The following ECEL1 variants were observed in gnomAD, a reference collection of about 807,000 sequenced individuals.
The protein encoded by ECEL1 is endothelin-converting enzyme-like 1.
A neutral mutation model predicts 101.8 loss-of-function variants in ECEL1; 87 were observed. The ratio of observed to expected loss-of-function variants is 0.85; its 90% CI spans 0.72 to 1.02. ECEL1 has a LOEUF of 1.02. ECEL1 is among the 50% of genes least tolerant of loss of function. ECEL1 has a pLI of 0.00. For missense variants in ECEL1, 1,032 were observed against 1,079.2 expected, an observed-to-expected ratio of 0.96 and a Z score of 0.61; for synonymous variants, 487 against 468.7, an observed-to-expected ratio of 1.04 and a Z score of -0.50.
intron 2 of ECEL1, 79 bp downstream of exon 2, chr2:232,485,789 C>T (rs1244641478): frequency 1.3e-6 from 2 of 1,507,228 alleles, no homozygotes; most frequent in Admixed American, 2.0e-5. Context: ...ACCCGCCTCC[C>T]GCGCGCAGGG....
rs1329151485 is a variant in ECEL1 at position 232,487,823 on chromosome 2, G to T, written c.-206C>A. The T allele has an allele frequency of 6.7e-6, 1 of 148,664 alleles. No homozygotes were observed. Among genetic ancestry groups the T allele is most frequent in the Non-Finnish European group, 1.5e-5 (1 of 66,602 alleles). 9.2% of individuals were successfully genotyped at this position (148,664 alleles called of 1,614,324 possible). ...GGGCGTCCGGTGTCTCCCAGCGCCC[G>T]CCGCCTCCTCTGCCGCCGCGCCGAG... On this transcript the variant is annotated 5_prime_UTR_variant, in exon 1 of 18. Transcript: ENST00000304546.
chr2:232,482,141 C>T lies in ECEL1; in HGVS notation c.1796+277G>A, dbSNP rs1190430. Among the ~76,000 whole-genome samples the T allele has an allele frequency of 0.49, 74,603 of 152,184 alleles. 19,490 individuals are homozygous for T. The highest frequency in any genetic ancestry group is 0.68 in the Middle Eastern group (201 of 294). On this transcript the variant is annotated intron_variant, in intron 12 of 17. Coordinates refer to ENST00000304546, the MANE Select transcript of ECEL1 (RefSeq NM_004826.4). ...CGGAGGCACCTACGTAGGGGTTTCT[C>T]CTCCTACCTCATCATTAGTGTTGCG... is the stretch of plus-strand genomic sequence containing the variant.
chr2:232,482,387 C>T, intron 12 of ECEL1, 31 bp downstream of exon 12: 1 of 1,613,502 alleles, frequency 6.2e-7, no homozygotes, highest in South Asian at 1.1e-5. Flanking sequence ...GCCCTGCCCT[C>T]AGCCACAAAC....
At chr2:232,483,057 T>A (rs1234718061) in intron 9 of ECEL1, 48 bp downstream of exon 9, 1 of 1,610,572 alleles carries the variant, frequency 6.2e-7, no homozygotes, top group Non-Finnish European at 8.5e-7. Flanking sequence ...CTGAGTGCCG[T>A]TAGTAGAGGG....
chr2:232,486,145 C>T lies in ECEL1; in HGVS notation c.509G>A (p.Gly170Asp). The change falls in exon 2 of 18, where the codon GGT becomes GAT. Residue 170 changes from glycine (G) to aspartate (D), a missense_variant. Physicochemically the swap from Gly to Asp is moderately conservative, Grantham distance 94. Transcript: ENST00000304546. ...RLRRLLARPG[G>D]GPGGAAQRKV... ...GCGCTGGGCCGCGCCGCCAGGCCCA[C>T]CCCCGGGCCGCGCCAGCAGGCGCCG... 5 of 1,564,978 alleles carry T rather than the reference C, an allele frequency of 3.2e-6. No individual in the cohort carries two copies. The highest frequency in any genetic ancestry group is 2.3e-5 in the South Asian group (2 of 85,816).
rs1252237793 is a variant in ECEL1 at position 232,486,420 on chromosome 2, A to C, written c.234T>G (p.Ala78=). The change falls in exon 2 of 18, where the codon GCT becomes GCG. Residue 78 remains alanine (A), a synonymous_variant. Coordinates refer to ENST00000304546, the MANE Select transcript of ECEL1 (RefSeq NM_004826.4). Reference sequence around the variant, plus strand: ...GGCCCAGGTACTTGAGGGCCAGCATAGCCGCCAGAATGGCGCAGAGGCCGG... The same window carrying C: ...GGCCCAGGTACTTGAGGGCCAGCATCGCCGCCAGAATGGCGCAGAGGCCGG... ...FAAGLCAILA[A]MLALKYLGPV... 5 of 1,463,906 alleles carry C rather than the reference A, an allele frequency of 3.4e-6. No individual in the cohort carries two copies. In the Admixed American group the frequency reaches 1.3e-4, roughly 39 times the overall value. 90.7% of individuals were successfully genotyped at this position (1,463,906 alleles called of 1,614,324 possible).
chr2:232,485,130 G>A, intron 3 of ECEL1, 39 bp from the exon 4 acceptor site: 1 of 1,611,778 alleles, frequency 6.2e-7, no homozygotes, highest in Non-Finnish European at 8.5e-7. Context: ...GACAGGGACA[G>A]GCCTAGCCTG....
chr2:232,485,937 G>A lies in ECEL1; in HGVS notation c.717C>T (p.Tyr239=), dbSNP rs1196344111. 6.3e-7 allele frequency: 1 copy of A among 1,581,604 alleles called. No individual in the cohort carries two copies. The highest frequency in any genetic ancestry group is 8.6e-7 in the Non-Finnish European group (1 of 1,166,206). The change falls in exon 2 of 18, where the codon TAC becomes TAT. Residue 239 remains tyrosine, a synonymous_variant. Coordinates refer to ENST00000304546, the MANE Select transcript of ECEL1 (RefSeq NM_004826.4). ...NRLLYKAQGV[Y]SAAALFSLTV... ...TGAGCGAGAAGAGCGCGGCGGCGCT[G>A]TACACGCCCTGCGCCTTGTACAGCA...
At position 232,483,410 on chromosome 2, in the gene ECEL1, C is replaced by A. The variant is rs72482107; in HGVS notation, c.1506+6G>T. On this transcript the variant is annotated splice_donor_region_variant and intron_variant, in intron 8 of 17. Transcript: ENST00000304546. ...GACCAACCAATGACACTGGGTCCCC[C>A]CTCACCTTGGCCCGAGCAGCAGCCC... The A allele has an allele frequency of 1.5e-4, 242 of 1,601,900 alleles. 1 individual carries two copies. In the East Asian group the frequency reaches 5.2e-3, roughly 34 times the overall value.
chr2:232,481,338 G>A (rs887889762), intron 14 of ECEL1, among the ~76,000 whole-genome samples, 168 bp downstream of exon 14: 9 of 152,212 alleles, frequency 5.9e-5, no homozygotes, highest in South Asian at 2.1e-4. Context: ...GTAAGTCTGC[G>A]GACACTCATT....
chr2:232,482,913 G>C lies in ECEL1; in HGVS notation c.1623C>G (p.Asn541Lys), dbSNP rs758614813. ...AGAGCTGGATGCTGAAGCGGATGCTGTTCAAGATGTTCTTGAAGTAGGTCT... is the reference window on the plus strand; with the variant it reads ...AGAGCTGGATGCTGAAGCGGATGCTCTTCAAGATGTTCTTGAAGTAGGTCT... ...HEKTYFKNIL[N>K]SIRFSIQLSV... Residue 541 changes from asparagine to lysine, a missense_variant, in exon 10 of 18, where the codon AAC (asparagine) becomes AAG (lysine). Transcript: ENST00000304546. 3 of 1,614,188 alleles carry C rather than the reference G, an allele frequency of 1.9e-6. No homozygotes were observed. The highest frequency in any genetic ancestry group is 2.5e-6 in the Non-Finnish European group (3 of 1,180,050).
chr2:232,481,904 T>C (rs1377594229), intron 12 of ECEL1, 55 bp from the exon 13 acceptor site: 31 of 1,607,788 alleles, frequency 1.9e-5, no homozygotes, highest in Middle Eastern at 1.7e-4. Context: ...GAGAGCCCCA[T>C]GCTGCTGCCC....
chr2:232,485,500 C>G (rs1690696777), intron 2 of ECEL1, among the ~76,000 whole-genome samples: 1 of 152,230 alleles, frequency 6.6e-6, no homozygotes, highest in African/African-American at 2.4e-5. Flanking sequence ...CTTTCCTTAT[C>G]TGTCCGGGGC....
rs767972825 is a variant in ECEL1, at chr2:232,480,092, G to C, written c.*61C>G. On this transcript the variant is annotated 3_prime_UTR_variant, in exon 18 of 18. Coordinates refer to ENST00000304546, the MANE Select transcript of ECEL1 (RefSeq NM_004826.4). ...CTGGCACCGGGTGCATGCCTGCCCC[G>C]GTAGCCAGCAGGAGGTGATTCGTGC... is the stretch of plus-strand genomic sequence containing the variant. The C allele has an allele frequency of 1.3e-6, 2 of 1,506,664 alleles. No individual in the cohort carries two copies. The highest frequency in any genetic ancestry group is 1.8e-6 in the Non-Finnish European group (2 of 1,096,382). The allele number at this position is 1,506,664 out of a possible 1,614,324, so 93.3% of individuals were successfully genotyped here. A position where few individuals can be genotyped will look rare whatever the true frequency, so the allele number is the denominator to read the frequency against.
chr2:232,480,456 C>T lies in ECEL1; in HGVS notation c.2171G>A (p.Arg724Gln), dbSNP rs150438393. The T allele has an allele frequency of 4.1e-5, 66 of 1,613,804 alleles. No individual in the cohort carries two copies. Among genetic ancestry groups the T allele is most frequent in the Middle Eastern group, 1.6e-4 (1 of 6,064 alleles). Residue 724 changes from arginine to glutamine, a missense_variant, in exon 17 of 18, where the codon CGG (arginine) becomes CAG (glutamine). Arg to Gln is a conservative substitution (Grantham distance 43). Coordinates refer to ENST00000304546, the MANE Select transcript of ECEL1 (RefSeq NM_004826.4). ...AFAQNWCIKR[R>Q]SQSIYLQVLT... Reference sequence around the variant, plus strand: ...CACCTGCAGGTAGATGGACTGCGACCGCCGCTTGATGCACCAGTTCTGGGT... The same window carrying T: ...CACCTGCAGGTAGATGGACTGCGACTGCCGCTTGATGCACCAGTTCTGGGT...
At chr2:232,487,184 C>T (rs1575079601) in intron 1 of ECEL1, among the ~76,000 whole-genome samples, 1 of 152,222 alleles carries the variant, frequency 6.6e-6, no homozygotes, top group Non-Finnish European at 1.5e-5. Flanking sequence ...GCTCTCCGCG[C>T]TGGACCCAGA....
chr2:232,481,299 A>T, intron 14 of ECEL1, 143 bp from the exon 15 acceptor site: 1 of 1,328,094 alleles, frequency 7.5e-7, no homozygotes, highest in Non-Finnish European at 1.0e-6. Context: ...CTCCAACCCT[A>T]CTCTTTCCTC....
chr2:232,487,403 C>T (rs1351587965), intron 1 of ECEL1, among the ~76,000 whole-genome samples: 2 of 152,074 alleles, frequency 1.3e-5, no homozygotes, highest in Admixed American at 1.3e-4. Context: ...GAGACGGGTT[C>T]CCTCCCCCCA....
At chr2:232,481,378 G>C in intron 14 of ECEL1, 128 bp downstream of exon 14, 1 of 1,467,032 alleles carries the variant, frequency 6.8e-7, no homozygotes. Flanking sequence ...CGTGGGAACC[G>C]AATGTGTGTG....
Sources: gnomAD v4.1 joint callset for allele counts (sites outside exome capture counted in the v4.1 genomes callset) on GRCh38, gnomAD v4.1.1 for gene constraint, MANE v1.5 for transcripts, NCBI Gene and HGNC (gene_info 2026-07-23, HGNC 2026-07-21) for gene names.